TPST1: variants seen among roughly 807,000 people sequenced by gnomAD.
TPST1 encodes the protein protein-tyrosine sulfotransferase 1.
TPST1 carries 20 observed loss-of-function variants against 34.8 expected under a neutral mutation model. That is an observed-to-expected ratio of 0.57 (90% CI 0.40 to 0.84). The LOEUF is 0.84. TPST1 is among the 40% of genes least tolerant of loss of function. The pLI, the probability that TPST1 is intolerant of heterozygous loss-of-function variation, is 0.00. For synonymous variants in TPST1, 152 were observed against 159.4 expected (o/e 0.95, Z 0.35); for missense variants, 353 against 455.5 (o/e 0.78, Z 2.05).
At chr7:66,252,578 C>A (rs946986031) in intron 2 of TPST1, among the ~76,000 whole-genome samples, 4 of 152,036 alleles carry the variant, frequency 2.6e-5, no homozygotes, top group African/African-American at 9.7e-5. Flanking sequence ...TGTGATCCGC[C>A]CACCTCGGCC....
chr7:66,304,043 T>G (rs1190353337), intron 3 of TPST1, among the ~76,000 whole-genome samples: 3 of 152,122 alleles, frequency 2.0e-5, no homozygotes, highest in Non-Finnish European at 4.4e-5. Context: ...CAGGGAAACA[T>G]TGAGCCACTG....
intron 2 of TPST1, among the ~76,000 whole-genome samples, chr7:66,272,122 T>G (rs1386242629): frequency 6.6e-6 from 1 of 152,192 alleles, no homozygotes; most frequent in Non-Finnish European, 1.5e-5. Context: ...TTAAATAGAT[T>G]GTTCAATTTC....
intron 3 of TPST1, among the ~76,000 whole-genome samples, chr7:66,336,309 C>CAA (rs369471875): frequency 1.2e-5 from 1 of 84,146 alleles, no homozygotes. Flanking sequence ...GACTCCGCCT[C>CAA]AAAAAAAAAA....
At chr7:66,302,231 A>T (rs1222421992) in intron 3 of TPST1, among the ~76,000 whole-genome samples, 1 of 152,244 alleles carries the variant, frequency 6.6e-6, no homozygotes, top group African/African-American at 2.4e-5. Context: ...CTGGATTCAA[A>T]TGAGATTAAG....
chr7:66,226,053 A>AT (rs1297011987), intron 1 of TPST1, among the ~76,000 whole-genome samples: 1 of 151,594 alleles, frequency 6.6e-6, no homozygotes, highest in Non-Finnish European at 1.5e-5. Flanking sequence ...CACCTGGCTA[A>AT]TTTTTTGTAT....
intron 1 of TPST1, among the ~76,000 whole-genome samples, chr7:66,220,120 C>A (rs1446267189): frequency 2.0e-5 from 3 of 151,808 alleles, no homozygotes; most frequent in Middle Eastern, 3.4e-3. Flanking sequence ...AACACTGGAA[C>A]CAGAAGAAAA....
At chr7:66,352,790 G>A (rs1199528001) in intron 4 of TPST1, 1 of 985,248 alleles carries the variant, frequency 1.0e-6, no homozygotes, top group Non-Finnish European at 1.2e-6. Flanking sequence ...CAAAACCAGG[G>A]AAATACTTTA....
chr7:66,206,107 A>C (rs1191963730), intron 1 of TPST1, among the ~76,000 whole-genome samples: 1 of 144,352 alleles, frequency 6.9e-6, no homozygotes, highest in Non-Finnish European at 1.5e-5. Context: ...CACTCTCTGC[A>C]ATGCCGGATT....
chr7:66,256,658 T>C (rs1790389226), intron 2 of TPST1, among the ~76,000 whole-genome samples: 1 of 152,188 alleles, frequency 6.6e-6, no homozygotes, highest in African/African-American at 2.4e-5. Context: ...TGACATCCTA[T>C]CACTTTTGCC....
At chr7:66,345,874 A>G (rs1278008203) in intron 3 of TPST1, among the ~76,000 whole-genome samples, 1 of 152,130 alleles carries the variant, frequency 6.6e-6, no homozygotes, top group Non-Finnish European at 1.5e-5. Flanking sequence ...ATAGTTAATT[A>G]TTGACTGTAG....
intron 2 of TPST1, among the ~76,000 whole-genome samples, chr7:66,256,326 A>G (rs1010887497): frequency 1.3e-5 from 2 of 152,204 alleles, no homozygotes; most frequent in African/African-American, 4.8e-5. Flanking sequence ...ATTGCTGTGT[A>G]GTAAGTTACC....
At position 66,359,931 on chromosome 7, in the gene TPST1, T is replaced by C. The variant is rs1792658314; in HGVS notation, c.*66T>C. 2 of 456,618 alleles carry C rather than the reference T, an allele frequency of 4.4e-6. No individual in the cohort carries two copies. The highest frequency in any genetic ancestry group is 8.8e-6 in the Non-Finnish European group (2 of 226,984). The allele number at this position is 456,618 out of a possible 1,614,324, so 28.3% of individuals were successfully genotyped here. On this transcript the variant is annotated 3_prime_UTR_variant, in exon 6 of 6. Transcript: ENST00000304842. ...GCCTTTTCAGCAGAAGGGAAATTCCTAGGATTGGCTGTCCCCTGCCAAGCT... is the reference window on the plus strand; with the variant it reads ...GCCTTTTCAGCAGAAGGGAAATTCCCAGGATTGGCTGTCCCCTGCCAAGCT...
chr7:66,348,593 A>G (rs1792403370), intron 3 of TPST1, among the ~76,000 whole-genome samples: 1 of 152,220 alleles, frequency 6.6e-6, no homozygotes, highest in Non-Finnish European at 1.5e-5. Flanking sequence ...CTGAATACCT[A>G]GCTCATTGCT....
At chr7:66,212,696 G>A (rs1475088366) in intron 1 of TPST1, among the ~76,000 whole-genome samples, 1 of 152,132 alleles carries the variant, frequency 6.6e-6, no homozygotes, top group Non-Finnish European at 1.5e-5. Flanking sequence ...CTGACCTCAA[G>A]TGATTCCCCC....
chr7:66,346,747 T>G, intron 3 of TPST1, among the ~76,000 whole-genome samples: 1 of 152,176 alleles, frequency 6.6e-6, no homozygotes, highest in East Asian at 1.9e-4. Context: ...ATGGATAGTT[T>G]GCAAATATTT....
chr7:66,351,835 A>G (rs558828784), intron 3 of TPST1, among the ~76,000 whole-genome samples: 2 of 152,114 alleles, frequency 1.3e-5, no homozygotes, highest in East Asian at 1.9e-4. Flanking sequence ...TTAAGGTTTT[A>G]TATATCTTTT....
At chr7:66,215,401 G>A (rs1230768523) in intron 1 of TPST1, among the ~76,000 whole-genome samples, 2 of 149,378 alleles carry the variant, frequency 1.3e-5, no homozygotes, top group East Asian at 4.0e-4. Context: ...TTGAGATGCA[G>A]CCTTGCTCTG....
chr7:66,297,601 A>G (rs1791228250), intron 3 of TPST1, among the ~76,000 whole-genome samples: 1 of 152,224 alleles, frequency 6.6e-6, no homozygotes, highest in African/African-American at 2.4e-5. Flanking sequence ...CTGAGTAGAT[A>G]GTACTGAGGA....
intron 5 of TPST1, among the ~76,000 whole-genome samples, chr7:66,358,473 A>G (rs1049490494): frequency 2.0e-5 from 3 of 152,056 alleles, no homozygotes; most frequent in Admixed American, 2.0e-4. Flanking sequence ...TTATATATAC[A>G]TCTATATATA....
Sources: gnomAD v4.1 joint callset for allele counts (sites outside exome capture counted in the v4.1 genomes callset) on GRCh38, gnomAD v4.1.1 for gene constraint, MANE v1.5 for transcripts, NCBI Gene and HGNC (gene_info 2026-07-23, HGNC 2026-07-21) for gene names.